DLGAP2: variants seen among roughly 807,000 people sequenced by gnomAD.
The protein encoded by DLGAP2 is DLG associated protein 2.
DLGAP2 carries 26 observed loss-of-function variants against 100.3 expected under a neutral mutation model. The observed-to-expected ratio is 0.26, with a 90% CI of 0.19 to 0.36. The LOEUF (loss-of-function observed/expected upper bound fraction) is 0.36. Among genes scored for constraint, DLGAP2 ranks in the 10% least tolerant of loss-of-function variants. DLGAP2 has a pLI of 1.00. For synonymous variants in DLGAP2, 886 were observed against 630.1 expected (o/e 1.41, Z -6.08); for missense variants, 1,858 against 1,453.2 (o/e 1.28, Z -4.53).
intron 2 of DLGAP2, among the ~76,000 whole-genome samples, chr8:1,164,156 GC>G (rs59482139): frequency 0.039 from 456 of 11,750 alleles, 76 homozygotes; most frequent in African/African-American, 0.11. Flanking sequence ...TTTTCTGTGA[GC>G]CCCCCAGGGC....
chr8:1,682,256 G>A (rs1224829923), intron 12 of DLGAP2, among the ~76,000 whole-genome samples: 2 of 152,198 alleles, frequency 1.3e-5, no homozygotes, highest in African/African-American at 4.8e-5. Context: ...ATAAGTGGCA[G>A]GAGCTGTAAG....
intron 6 of DLGAP2, among the ~76,000 whole-genome samples, chr8:1,567,805 C>G (rs1037505029): frequency 2.0e-5 from 3 of 152,226 alleles, no homozygotes; most frequent in African/African-American, 7.2e-5. Context: ...CCTGAGGCCC[C>G]CTGACAGCAT....
chr8:1,237,513 G>T (rs5009153), intron 2 of DLGAP2, among the ~76,000 whole-genome samples: 1 of 129,460 alleles, frequency 7.7e-6, no homozygotes, highest in Non-Finnish European at 1.6e-5. Flanking sequence ...ATGTCTAGTT[G>T]TTTCTCACAC....
intron 3 of DLGAP2, among the ~76,000 whole-genome samples, chr8:1,345,423 C>T (rs952892623): frequency 6.6e-6 from 1 of 152,220 alleles, no homozygotes; most frequent in Admixed American, 6.5e-5. Flanking sequence ...GTTGCCAAAT[C>T]TAAATAAACT....
intron 1 of DLGAP2, chr8:739,550 C>G (rs891290490): frequency 2.0e-5 from 3 of 152,210 alleles, no homozygotes; most frequent in Middle Eastern, 3.2e-3. Context: ...ACTTCCTTTT[C>G]TCTGAGAAAG....
chr8:799,131 A>T (rs897273750), intron 1 of DLGAP2, among the ~76,000 whole-genome samples: 1 of 152,126 alleles, frequency 6.6e-6, no homozygotes, highest in African/African-American at 2.4e-5. Flanking sequence ...GGATGAAGCC[A>T]GTTTTCTCCC....
At chr8:1,009,382 A>C (rs1801212018) in intron 2 of DLGAP2, among the ~76,000 whole-genome samples, 1 of 152,222 alleles carries the variant, frequency 6.6e-6, no homozygotes, top group Non-Finnish European at 1.5e-5. Context: ...TGACCTAAGG[A>C]ACACATAATA....
intron 2 of DLGAP2, among the ~76,000 whole-genome samples, chr8:1,137,074 G>A (rs1350864513): frequency 6.6e-6 from 1 of 152,180 alleles, no homozygotes; most frequent in Non-Finnish European, 1.5e-5. Context: ...GAGGCTGGCA[G>A]TCGAGGACAA....
intron 1 of DLGAP2, among the ~76,000 whole-genome samples, chr8:834,968 C>G (rs1001186): frequency 0.19 from 29,433 of 152,216 alleles, 3,597 homozygotes; most frequent in Admixed American, 0.38. Context: ...GTGCCTGTCT[C>G]TGTGTGTGCA....
At chr8:1,293,239 C>G (rs997390208) in intron 3 of DLGAP2, among the ~76,000 whole-genome samples, 3 of 152,218 alleles carry the variant, frequency 2.0e-5, no homozygotes, top group Non-Finnish European at 4.4e-5. Flanking sequence ...CATGGGCCCA[C>G]ATGCCCTCTC....
At chr8:776,300 A>T (rs1009684845) in intron 1 of DLGAP2, among the ~76,000 whole-genome samples, 4 of 152,026 alleles carry the variant, frequency 2.6e-5, no homozygotes, top group Non-Finnish European at 5.9e-5. Flanking sequence ...TCAAGAAACC[A>T]GCTCCTGGAT....
intron 6 of DLGAP2, among the ~76,000 whole-genome samples, chr8:1,578,821 CTGGTGTACAGACCCTCGGCCTTG>C (rs1803102742): frequency 6.6e-6 from 1 of 152,152 alleles, no homozygotes; most frequent in Non-Finnish European, 1.5e-5. Context: ...GTCTCATGCC[CTGGTGTACAGACCCTCGGCCTTG>C]TGTCCCCGAT....
intron 2 of DLGAP2, among the ~76,000 whole-genome samples, chr8:1,223,264 C>T (rs1322503412): frequency 1.3e-5 from 2 of 152,186 alleles, no homozygotes; most frequent in African/African-American, 2.4e-5. Flanking sequence ...TCCTCACTGT[C>T]CACTTTGAAA....
In DLGAP2 at chr8:1,419,672, C is replaced by T. The variant is rs1054175675; in HGVS notation, c.107-81694C>T. On this transcript the variant is annotated intron_variant, in intron 3 of 14. Coordinates refer to ENST00000637795, the MANE Select transcript of DLGAP2 (RefSeq NM_001346810.2). ...TCAAAACCACACTGAGATACTGTCT[C>T]ACTCCAGTTAGAATGGCGGTTACCA... 9.2e-5 allele frequency among the ~76,000 whole-genome samples: 14 copies of T among 152,318 alleles called. No homozygotes were observed. The East Asian group carries it at 1.5e-3, about 17-fold the overall frequency.
chr8:858,160 A>G (rs1032814644), intron 1 of DLGAP2, among the ~76,000 whole-genome samples: 10 of 152,238 alleles, frequency 6.6e-5, no homozygotes, highest in African/African-American at 2.4e-4. Flanking sequence ...CCCAGTGCAC[A>G]TGAATGTTTA....
chr8:1,473,584 A>T (rs1798857311), intron 3 of DLGAP2, among the ~76,000 whole-genome samples: 1 of 152,166 alleles, frequency 6.6e-6, no homozygotes, highest in Admixed American at 6.5e-5. Context: ...GCAGGGCTCA[A>T]GCGAGCTTTG....
At chr8:1,243,143 A>T (rs1015048949) in intron 2 of DLGAP2, among the ~76,000 whole-genome samples, 18 of 152,240 alleles carry the variant, frequency 1.2e-4, no homozygotes, top group African/African-American at 4.1e-4. Flanking sequence ...TGAGCACTGC[A>T]TGGGAAAGGC....
chr8:1,114,784 G>A (rs113798179), intron 2 of DLGAP2, among the ~76,000 whole-genome samples: 3 of 152,092 alleles, frequency 2.0e-5, no homozygotes, highest in Admixed American at 1.3e-4. Context: ...TAATTGTGAT[G>A]TTAGGTAGTT....
At chr8:1,101,912 G>A (rs1185284582) in intron 2 of DLGAP2, among the ~76,000 whole-genome samples, 1 of 151,968 alleles carries the variant, frequency 6.6e-6, no homozygotes, top group Non-Finnish European at 1.5e-5. Context: ...ATGATGGGAA[G>A]GTCCTTGTCA....
Sources: gnomAD v4.1 joint callset for allele counts (sites outside exome capture counted in the v4.1 genomes callset) on GRCh38, gnomAD v4.1.1 for gene constraint, MANE v1.5 for transcripts, NCBI Gene and HGNC (gene_info 2026-07-23, HGNC 2026-07-21) for gene names.